FOXN4: variants seen among roughly 807,000 people sequenced by gnomAD.
The protein encoded by FOXN4 is forkhead box protein N4.
A neutral mutation model predicts 45.0 loss-of-function variants in FOXN4; 12 were observed. The ratio of observed to expected loss-of-function variants is 0.27; its 90% CI spans 0.17 to 0.43. The LOEUF (loss-of-function observed/expected upper bound fraction) is 0.43. Ranked by LOEUF, FOXN4 falls within the 20% of genes least tolerant of loss-of-function variation. The pLI is 1.00. For missense variants in FOXN4, 560 were observed against 694.9 expected (o/e 0.81, Z 2.18); for synonymous variants, 297 against 295.0 (o/e 1.01, Z -0.07).
rs1219447456 is a variant in FOXN4 at position 109,279,560 on chromosome 12, C to CAG, written c.*109_*110dup. The CAG allele has an allele frequency of 1.3e-6, 2 of 1,482,110 alleles. No homozygotes were observed. Among genetic ancestry groups the CAG allele is most frequent in the African/African-American group, 1.4e-5 (1 of 71,868 alleles). 91.8% of individuals were successfully genotyped at this position (1,482,110 alleles called of 1,614,324 possible). On this transcript the variant is annotated 3_prime_UTR_variant, in exon 10 of 10. Coordinates refer to ENST00000299162, the MANE Select transcript of FOXN4 (RefSeq NM_213596.3). ...CCAGCCGGCAACTTCGCCACAGGTC[C>CAG]AGGAGAGGCTTCGGGGACAATGAGG...
rs1020402098 is a variant in FOXN4 at position 109,291,263 on chromosome 12, C to T, written c.87-977G>A. Reference sequence around the variant, plus strand: ...TCAAGTCACACTTGCCACGCGACTCCGAGAGCATCGGGTCTTACACCACCA... The same window carrying T: ...TCAAGTCACACTTGCCACGCGACTCTGAGAGCATCGGGTCTTACACCACCA... On this transcript the variant is annotated intron_variant, in intron 2 of 9. Coordinates refer to ENST00000299162, the MANE Select transcript of FOXN4 (RefSeq NM_213596.3). The surrounding 1 kb of genome is among the most constrained non-coding windows in gnomAD (Gnocchi z 6.6). Among the ~76,000 whole-genome samples the T allele has an allele frequency of 2.6e-5, 4 of 152,158 alleles. No individual in the cohort carries two copies. Among genetic ancestry groups the T allele is most frequent in the African/African-American group, 7.2e-5 (3 of 41,536 alleles).
At chr12:109,307,645 C>A (rs1483397974) in intron 2 of FOXN4, among the ~76,000 whole-genome samples, 1 of 152,194 alleles carries the variant, frequency 6.6e-6, no homozygotes, top group Non-Finnish European at 1.5e-5. Context: ...TTGTACCTTG[C>A]TTCACCCTGT....
At chr12:109,299,583 G>A (rs1264443361) in intron 2 of FOXN4, among the ~76,000 whole-genome samples, 1 of 152,158 alleles carries the variant, frequency 6.6e-6, no homozygotes, top group Non-Finnish European at 1.5e-5. Flanking sequence ...TCCTCATCTG[G>A]GATGCCACTA....
At position 109,279,709 on chromosome 12, in the gene FOXN4, G is replaced by C. The variant is rs2047633852; in HGVS notation, c.1516C>G (p.Leu506Val). The C allele has an allele frequency of 6.4e-7, 1 of 1,574,122 alleles. No homozygotes were observed. The highest frequency in any genetic ancestry group is 1.4e-5 in the African/African-American group (1 of 73,918). The stretch of plus-strand genomic sequence containing the variant: ...ATAGGCTTGTTCCCCTGTGCACCCA[G>C]GTACTGGGAGGAGGAGCTGGTGCCC... ...ASGTSSSSQY[L>V]GAQGNKPIAL... Residue 506 changes from leucine to valine, a missense_variant, in exon 10 of 10, where the codon CTG (leucine) becomes GTG (valine). This residue lies in a region of FOXN4 where 315 missense variants were observed against 350.5 expected (regional missense o/e 0.90). Transcript: ENST00000299162.
intron 2 of FOXN4, among the ~76,000 whole-genome samples, chr12:109,295,384 C>T (rs1478400295): frequency 1.3e-5 from 2 of 152,236 alleles, no homozygotes; most frequent in Non-Finnish European, 2.9e-5. Context: ...ACTTCAGTTC[C>T]TGGGCGAGAG....
At chr12:109,292,274 A>T (rs372965010) in intron 2 of FOXN4, among the ~76,000 whole-genome samples, 3 of 152,120 alleles carry the variant, frequency 2.0e-5, no homozygotes, top group East Asian at 3.9e-4. Context: ...CCCTGCTGGC[A>T]GGTTTGGTAA....
chr12:109,298,351 T>G (rs1168165229), intron 2 of FOXN4, among the ~76,000 whole-genome samples: 5 of 151,656 alleles, frequency 3.3e-5, no homozygotes, highest in African/African-American at 4.8e-5. Flanking sequence ...TTTGTTTTTT[T>G]TTTTTGCTTT....
At chr12:109,300,104 G>A (rs1021863567) in intron 2 of FOXN4, among the ~76,000 whole-genome samples, 3 of 152,202 alleles carry the variant, frequency 2.0e-5, no homozygotes, top group Non-Finnish European at 2.9e-5. Flanking sequence ...CAGGTAGGCC[G>A]CTCACCCCAG....
At chr12:109,305,980 C>T (rs1444183448) in intron 2 of FOXN4, among the ~76,000 whole-genome samples, 1 of 152,064 alleles carries the variant, frequency 6.6e-6, no homozygotes, top group Non-Finnish European at 1.5e-5. Flanking sequence ...TGGAGAAGGG[C>T]AGTTGCTTAG....
At chr12:109,294,101 T>C (rs2047795012) in intron 2 of FOXN4, among the ~76,000 whole-genome samples, 1 of 152,178 alleles carries the variant, frequency 6.6e-6, no homozygotes, top group South Asian at 2.1e-4. Flanking sequence ...TGCCCCACCC[T>C]GGGTCCCAGG....
chr12:109,280,385 C>T lies in FOXN4; in HGVS notation c.1295-455G>A, dbSNP rs541905175. ...AAAAAAAGCATGGAAGGGCCAGAGT[C>T]GCAGCAGCCCCGGGCCCTCACCTTC... On this transcript the variant is annotated intron_variant, in intron 9 of 9. Transcript: ENST00000299162. Among the ~76,000 whole-genome samples the T allele has an allele frequency of 4.0e-4, 60 of 150,502 alleles. 1 individual carries two copies. The highest frequency in any genetic ancestry group is 1.5e-3 in the Admixed American group (23 of 15,118).
At position 109,297,920 on chromosome 12, in the gene FOXN4, A is replaced by G. The variant is rs2047832393; in HGVS notation, c.87-7634T>C. Among the ~76,000 whole-genome samples, 3 of 152,172 alleles carry G rather than the reference A, an allele frequency of 2.0e-5. No individual in the cohort carries two copies. The South Asian group carries it at 6.2e-4, about 32-fold the overall frequency. On this transcript the variant is annotated intron_variant, in intron 2 of 9. Transcript: ENST00000299162. ...GCCACGTTTGAAGTGCTGAATGGTCACACATGGCCAGTGCAGATATGAAAT... is the reference window on the plus strand; with the variant it reads ...GCCACGTTTGAAGTGCTGAATGGTCGCACATGGCCAGTGCAGATATGAAAT...
chr12:109,281,423 C>G lies in FOXN4; in HGVS notation c.1278G>C (p.Met426Ile). The G allele has an allele frequency of 6.2e-7, 1 of 1,613,996 alleles. No homozygotes were observed. Among genetic ancestry groups the G allele is most frequent in the Non-Finnish European group, 8.5e-7 (1 of 1,179,888 alleles). The change falls in exon 9 of 10, where the codon ATG (methionine) becomes ATC (isoleucine). Residue 426 changes from methionine to isoleucine, a missense_variant. By Grantham distance (10) the Met-to-Ile change is conservative. This residue lies in a region of FOXN4 where 315 missense variants were observed against 350.5 expected (regional missense o/e 0.90). Coordinates refer to ENST00000299162, the MANE Select transcript of FOXN4 (RefSeq NM_213596.3). The stretch of plus-strand genomic sequence containing the variant: ...CAGCCTCACCCTGCAGAGCGAAGTC[C>G]ATGATGCTCGGGTCGAGGGCATCCA... ...TEVDALDPSI[M>I]DFALQGNLWE...
At chr12:109,285,593 G>T in intron 7 of FOXN4, 82 bp from the exon 8 acceptor site, 1 of 1,437,544 alleles carries the variant, frequency 7.0e-7, no homozygotes, top group Admixed American at 1.7e-5. Flanking sequence ...GGCCTATAGG[G>T]GCAGGACACC....
chr12:109,285,585 C>T (rs1345680642), intron 7 of FOXN4, 74 bp from the exon 8 acceptor site: 2 of 1,521,066 alleles, frequency 1.3e-6, no homozygotes, highest in African/African-American at 1.4e-5. Flanking sequence ...CCTACTCAGG[C>T]CTATAGGGGC....
rs2047734615 is a variant in FOXN4, at chr12:109,288,247, A to C, written c.233-67T>G. 6.6e-7 allele frequency: 1 copy of C among 1,516,886 alleles called. No homozygotes were observed. The highest frequency in any genetic ancestry group is 8.8e-7 in the Non-Finnish European group (1 of 1,138,700). 94.0% of individuals were successfully genotyped at this position (1,516,886 alleles called of 1,614,324 possible). Reference sequence around the variant, plus strand: ...TGGTGGCTGCCACCAGGAACAGCCCAGTGCCCAGGTGTCTCCGGAGAACGG... The same window carrying C: ...TGGTGGCTGCCACCAGGAACAGCCCCGTGCCCAGGTGTCTCCGGAGAACGG... On this transcript the variant is annotated intron_variant, in intron 3 of 9. Coordinates refer to ENST00000299162, the MANE Select transcript of FOXN4 (RefSeq NM_213596.3). This position sits in a 1 kb window ranked among gnomAD's most constrained non-coding sequence, Gnocchi z 4.3.
At chr12:109,298,050 G>C (rs1593783081) in intron 2 of FOXN4, among the ~76,000 whole-genome samples, 1 of 152,230 alleles carries the variant, frequency 6.6e-6, no homozygotes, top group East Asian at 1.9e-4. Flanking sequence ...AAAACAACTA[G>C]AAATTTGATT....
At chr12:109,304,908 G>A (rs1283781512) in intron 2 of FOXN4, among the ~76,000 whole-genome samples, 1 of 152,152 alleles carries the variant, frequency 6.6e-6, no homozygotes, top group Non-Finnish European at 1.5e-5. Flanking sequence ...TCTCTCCCAG[G>A]CCCCTCTGAA....
At chr12:109,297,644 T>A (rs1448008822) in intron 2 of FOXN4, among the ~76,000 whole-genome samples, 1 of 152,180 alleles carries the variant, frequency 6.6e-6, no homozygotes, top group Admixed American at 6.5e-5. Context: ...AGCCTCCTTA[T>A]GAGAATCTAA....
Sources: allele counts gnomAD v4.1 joint callset (sites outside exome capture counted in the v4.1 genomes callset), GRCh38; gene constraint gnomAD v4.1.1; regional missense constraint gnomAD v4.1.1; non-coding constraint Gnocchi (gnomAD v3.1); transcripts MANE v1.5; gene names NCBI Gene and HGNC (gene_info 2026-07-23, HGNC 2026-07-21).